The following PHF20 variants were observed in gnomAD, a reference collection of about 807,000 sequenced individuals.
PHF20 encodes the protein glioma-expressed antigen 2.
A neutral mutation model predicts 113.5 loss-of-function variants in PHF20; 23 were observed. That is an observed-to-expected ratio of 0.20 (90% CI 0.15 to 0.29). The LOEUF is 0.29. Among genes scored for constraint, PHF20 ranks in the 10% least tolerant of loss-of-function variants. PHF20 has a pLI of 1.00. For missense variants in PHF20, 943 were observed against 1,219.6 expected (o/e 0.77, Z 3.38); for synonymous variants, 434 against 457.3 (o/e 0.95, Z 0.65).
intron 5 of PHF20, among the ~76,000 whole-genome samples, chr20:35,860,012 C>A (rs1033120906): frequency 1.3e-5 from 2 of 152,104 alleles, no homozygotes; most frequent in Non-Finnish European, 2.9e-5. Flanking sequence ...ACTCCGCCTC[C>A]CAAGTTAAAG....
At chr20:35,896,036 C>A (rs1487010962) in intron 9 of PHF20, among the ~76,000 whole-genome samples, 3 of 151,610 alleles carry the variant, frequency 2.0e-5, no homozygotes, top group Non-Finnish European at 2.9e-5. Context: ...TCTTTTATAT[C>A]TCTTGTTATA....
chr20:35,797,627 GT>G (rs200645750), intron 1 of PHF20, among the ~76,000 whole-genome samples: 14 of 149,510 alleles, frequency 9.4e-5, no homozygotes, highest in Non-Finnish European at 1.5e-4. Flanking sequence ...TTCTTTGGTG[GT>G]TTTTTTTGTT....
Position 35,914,071 on chromosome 20 carries a change from G to A in PHF20, c.1699G>A (p.Glu567Lys), listed in dbSNP as rs1238524880. The A allele has an allele frequency of 6.2e-7, 1 of 1,614,138 alleles. No individual in the cohort carries two copies. The highest frequency in any genetic ancestry group is 8.5e-7 in the Non-Finnish European group (1 of 1,180,038). ...TGAGGAGATCAGTGACACCTCCCAG[G>A]AACCTTCTCCACCCAAGGCATTTGC... ...CSEEISDTSQ[E>K]PSPPKAFAVT... Residue 567 changes from glutamate to lysine, a missense_variant, in exon 12 of 18, where the codon GAA becomes AAA. Physicochemically the swap from Glu to Lys is moderately conservative, Grantham distance 56. This residue lies in a region of PHF20 where 592 missense variants were observed against 787.2 expected (regional missense o/e 0.75). Coordinates refer to ENST00000374012, the MANE Select transcript of PHF20 (RefSeq NM_016436.5).
At chr20:35,902,561 C>A (rs2055117822) in intron 10 of PHF20, among the ~76,000 whole-genome samples, 1 of 152,204 alleles carries the variant, frequency 6.6e-6, no homozygotes, top group Non-Finnish European at 1.5e-5. Context: ...CAGTATAATG[C>A]ACCTGAGCGT....
At chr20:35,882,338 A>C (rs148524193) in intron 9 of PHF20, among the ~76,000 whole-genome samples, 1 of 152,190 alleles carries the variant, frequency 6.6e-6, no homozygotes, top group Non-Finnish European at 1.5e-5. Context: ...GTTCAAGCAC[A>C]CTTTTATTGA....
intron 10 of PHF20, among the ~76,000 whole-genome samples, chr20:35,909,359 C>T (rs906080137): frequency 1.3e-5 from 2 of 151,848 alleles, no homozygotes; most frequent in Non-Finnish European, 2.9e-5. Context: ...TTGCAATATC[C>T]CTCCTCCCTA....
intron 9 of PHF20, among the ~76,000 whole-genome samples, chr20:35,877,244 C>T (rs1042469128): frequency 8.0e-6 from 1 of 124,334 alleles, no homozygotes; most frequent in African/African-American, 3.1e-5. Flanking sequence ...TTGCCGAGAT[C>T]GTGCCACTGC....
At position 35,823,938 on chromosome 20, in the gene PHF20, G is replaced by A. The variant is rs570229813; in HGVS notation, c.84-18635G>A. Reference sequence around the variant, plus strand: ...TGTTGCTTTTAGAACCAAGTAGTAAGTATTCCATTGGATGGATATACCACA... The same window carrying A: ...TGTTGCTTTTAGAACCAAGTAGTAAATATTCCATTGGATGGATATACCACA... On this transcript the variant is annotated intron_variant, in intron 2 of 17. Coordinates refer to ENST00000374012, the MANE Select transcript of PHF20 (RefSeq NM_016436.5). Among the ~76,000 whole-genome samples the A allele has an allele frequency of 2.0e-5, 3 of 152,316 alleles. No individual in the cohort carries two copies. In the South Asian group the frequency reaches 6.2e-4, roughly 32 times the overall value.
At position 35,858,354 on chromosome 20, in the gene PHF20, T is replaced by A. The variant is rs375945999; in HGVS notation, c.393T>A (p.Ile131=). Residue 131 remains isoleucine, a synonymous_variant, in exon 5 of 18, where the codon ATT becomes ATA. Transcript: ENST00000374012. ...YDGVVQTVKH[I]HVKAFSKDQN... ...GAGTAGTTCAGACTGTCAAACATATTCATGTCAAAGCTTTTTCCAAAGATC... is the reference window on the plus strand; with the variant it reads ...GAGTAGTTCAGACTGTCAAACATATACATGTCAAAGCTTTTTCCAAAGATC... 2 of 1,596,220 alleles carry A rather than the reference T, an allele frequency of 1.3e-6. No individual in the cohort carries two copies. The highest frequency in any genetic ancestry group is 2.7e-5 in the African/African-American group (2 of 74,704).
chr20:35,828,053 C>T (rs752380509), intron 2 of PHF20, among the ~76,000 whole-genome samples: 9 of 151,932 alleles, frequency 5.9e-5, no homozygotes, highest in African/African-American at 7.3e-5. Flanking sequence ...GACAGAGTTT[C>T]GCTCTTGTTG....
chr20:35,787,797 T>C (rs1423293710), intron 1 of PHF20, among the ~76,000 whole-genome samples: 1 of 151,322 alleles, frequency 6.6e-6, no homozygotes, highest in Non-Finnish European at 1.5e-5. Context: ...TTTTTACTTT[T>C]TGAGACAGAG....
intron 1 of PHF20, chr20:35,782,257 G>GTTTTTTTTT (rs1398951271): frequency 1.6e-5 from 1 of 64,116 alleles, no homozygotes; most frequent in Non-Finnish European, 3.6e-5. Flanking sequence ...TCTTTTTCTT[G>GTTTTTTTTT]TTTTGTTTTT....
At chr20:35,775,214 A>C (rs1600713578) in intron 1 of PHF20, among the ~76,000 whole-genome samples, 1 of 152,106 alleles carries the variant, frequency 6.6e-6, no homozygotes, top group East Asian at 1.9e-4. Context: ...GATTTGGTAG[A>C]TCTAGGATGG....
rs533890884 is a variant in PHF20 at position 35,806,871 on chromosome 20, T to C, written c.83+5266T>C. ...AGTGCAGTGGCACGATCTTGGCTCA[T>C]TGCAAGCTCCGCCTCCCGGGTTCAC... is the stretch of plus-strand genomic sequence containing the variant. On this transcript the variant is annotated intron_variant, in intron 2 of 17. Transcript: ENST00000374012. Among the ~76,000 whole-genome samples, 5 of 150,458 alleles carry C rather than the reference T, an allele frequency of 3.3e-5. No individual in the cohort carries two copies. In the East Asian group the frequency reaches 5.9e-4, roughly 18 times the overall value.
chr20:35,864,918 G>A (rs116238246), intron 6 of PHF20, among the ~76,000 whole-genome samples: 93 of 152,212 alleles, frequency 6.1e-4, no homozygotes, highest in African/African-American at 2.2e-3. Context: ...TACTGATTAC[G>A]GCTGGGCCTG....
rs761830379 is a variant in PHF20 at position 35,803,706 on chromosome 20, A to G, written c.83+2101A>G. Among the ~76,000 whole-genome samples the G allele has an allele frequency of 5.5e-3, 733 of 132,680 alleles. 1 individual carries two copies. The highest frequency in any genetic ancestry group is 8.7e-3 in the African/African-American group (293 of 33,830). 87.0% of individuals were successfully genotyped at this position (132,680 alleles called of 152,430 possible). A position where few individuals can be genotyped will look rare whatever the true frequency, so the allele number is the denominator to read the frequency against. On this transcript the variant is annotated intron_variant, in intron 2 of 17. Coordinates refer to ENST00000374012, the MANE Select transcript of PHF20 (RefSeq NM_016436.5). ...TATATGTGTGTGTGTGTGTGTGTGT[A>G]TATATATAATATACTGCGTGTGTGT...
rs1024266279 is a variant in PHF20 at position 35,816,105 on chromosome 20, C to T, written c.83+14500C>T. Among the ~76,000 whole-genome samples the T allele has an allele frequency of 7.3e-5, 11 of 151,516 alleles. 1 individual carries two copies. The highest frequency in any genetic ancestry group is 3.3e-4 in the Admixed American group (5 of 15,184). On this transcript the variant is annotated intron_variant, in intron 2 of 17. Transcript: ENST00000374012. ...CTGAGTAGCTGGAACTACAGGCACGCGCCACCATGCCCAGCCGATTTTTGT... is the reference window on the plus strand; with the variant it reads ...CTGAGTAGCTGGAACTACAGGCACGTGCCACCATGCCCAGCCGATTTTTGT...
intron 1 of PHF20, among the ~76,000 whole-genome samples, chr20:35,790,557 G>A (rs2041524419): frequency 6.6e-6 from 1 of 152,166 alleles, no homozygotes; most frequent in African/African-American, 2.4e-5. Flanking sequence ...GTAGGTGCTG[G>A]TGATATCCTC....
chr20:35,904,825 CT>C (rs1055592043), intron 10 of PHF20, among the ~76,000 whole-genome samples: 4 of 113,760 alleles, frequency 3.5e-5, no homozygotes, highest in Admixed American at 2.6e-4. Flanking sequence ...CTTTCTCTTT[CT>C]TTTTTTTTGT....
Sources: gnomAD v4.1 joint callset for allele counts (sites outside exome capture counted in the v4.1 genomes callset) on GRCh38, gnomAD v4.1.1 for gene constraint, gnomAD v4.1.1 regional missense constraint, MANE v1.5 for transcripts, NCBI Gene and HGNC (gene_info 2026-07-23, HGNC 2026-07-21) for gene names.